The following EFCAB5 variants were observed in gnomAD, a reference collection of about 807,000 sequenced individuals.
The protein encoded by EFCAB5 is EF-hand calcium-binding domain-containing protein 5.
In EFCAB5, 131 loss-of-function variants were observed where a neutral mutation model predicts 167.9. The observed-to-expected ratio is 0.78, with a 90% confidence interval of 0.68 to 0.90. The LOEUF (loss-of-function observed/expected upper bound fraction) is 0.90. Ranked by LOEUF, EFCAB5 falls within the 40% of genes least tolerant of loss-of-function variation. EFCAB5 has a pLI of 0.00. For missense variants in EFCAB5, 1,663 were observed against 1,745.2 expected (o/e 0.95, Z 0.84); for synonymous variants, 574 against 602.8 (o/e 0.95, Z 0.70).
intron 14 of EFCAB5, among the ~76,000 whole-genome samples, chr17:30,062,181 G>A (rs1246786185): frequency 6.6e-6 from 1 of 152,022 alleles, no homozygotes; most frequent in Non-Finnish European, 1.5e-5. Context: ...AAGCTCTTAG[G>A]GCCTGTTTCC....
intron 12 of EFCAB5, among the ~76,000 whole-genome samples, chr17:30,057,227 T>G (rs557600473): frequency 3.0e-4 from 45 of 152,248 alleles, no homozygotes; most frequent in African/African-American, 1.1e-3. Flanking sequence ...CTAAGCCCTG[T>G]TTTTCTGTGT....
chr17:29,968,630 T>C (rs1415411050), intron 3 of EFCAB5, among the ~76,000 whole-genome samples, 161 bp from the exon 4 acceptor site: 1 of 152,258 alleles, frequency 6.6e-6, no homozygotes, highest in Non-Finnish European at 1.5e-5. Flanking sequence ...AATGTCTTTA[T>C]GGTTAAAGTC....
At chr17:30,049,095 T>C (rs1325211533) in intron 8 of EFCAB5, among the ~76,000 whole-genome samples, 2 of 152,086 alleles carry the variant, frequency 1.3e-5, no homozygotes, top group South Asian at 2.1e-4. Flanking sequence ...ATCATGATGA[T>C]TGGACTTGAT....
At position 30,095,265 on chromosome 17, in the gene EFCAB5, A is replaced by G. The variant is rs1415775460; in HGVS notation, c.4321+2329A>G. ...CCTAAATCCAAGTGTTTACAAGTCC[A>G]CAGACATTGGTCTTGGCAGGAGTGC... is the stretch of plus-strand genomic sequence containing the variant. On this transcript the variant is annotated intron_variant, in intron 22 of 22. Coordinates refer to ENST00000394835, the MANE Select transcript of EFCAB5 (RefSeq NM_198529.4). 2.0e-5 allele frequency among the ~76,000 whole-genome samples: 3 copies of G among 152,158 alleles called. No homozygotes were observed. In the East Asian group the frequency reaches 5.8e-4, roughly 29 times the overall value.
At chr17:30,030,125 A>G (rs2151729706) in intron 7 of EFCAB5, among the ~76,000 whole-genome samples, 1 of 152,342 alleles carries the variant, frequency 6.6e-6, no homozygotes, top group South Asian at 2.1e-4. Context: ...CTGTTTTTAC[A>G]AGAGACATTG....
chr17:29,948,001 T>G (rs1238363645), intron 3 of EFCAB5, among the ~76,000 whole-genome samples: 1 of 152,082 alleles, frequency 6.6e-6, no homozygotes, highest in Non-Finnish European at 1.5e-5. Flanking sequence ...AATTTTTGTA[T>G]TTTTAGTAGA....
chr17:30,102,252 C>G (rs1433234970), intron 22 of EFCAB5, among the ~76,000 whole-genome samples: 1 of 152,076 alleles, frequency 6.6e-6, no homozygotes, highest in African/African-American at 2.4e-5. Flanking sequence ...GAGTCATCAG[C>G]CAGAGTGAAG....
At chr17:29,995,417 C>T (rs1037856333) in intron 5 of EFCAB5, among the ~76,000 whole-genome samples, 3 of 152,196 alleles carry the variant, frequency 2.0e-5, no homozygotes, top group Non-Finnish European at 2.9e-5. Context: ...TTTGCTTTGA[C>T]AGGACCAATT....
At chr17:30,075,533 C>T (rs948310193) in intron 14 of EFCAB5, among the ~76,000 whole-genome samples, 6 of 152,164 alleles carry the variant, frequency 3.9e-5, no homozygotes, top group African/African-American at 1.4e-4. Flanking sequence ...CCAGGCCAGG[C>T]CATCCCTCGA....
At chr17:29,999,300 G>A (rs1033321056) in intron 6 of EFCAB5, among the ~76,000 whole-genome samples, 1 of 151,546 alleles carries the variant, frequency 6.6e-6, no homozygotes, top group African/African-American at 2.4e-5. Flanking sequence ...TAGAAAAAAG[G>A]TACATGTGTA....
chr17:30,014,938 G>A (rs887774065), intron 7 of EFCAB5, among the ~76,000 whole-genome samples: 4 of 152,110 alleles, frequency 2.6e-5, no homozygotes, highest in African/African-American at 7.2e-5. Flanking sequence ...GGCTGGTACT[G>A]GTTGTTCCTT....
rs766986543 is a variant in EFCAB5, at chr17:30,091,992, T to C, written c.4059T>C (p.Tyr1353=). The change falls in exon 21 of 23, where the codon TAT becomes TAC. Residue 1353 remains tyrosine, a synonymous_variant. Transcript: ENST00000394835. ...NSMEFVSLLL[Y]DHTLVTEPNS... is the part of the protein sequence containing the mutation. The stretch of plus-strand genomic sequence containing the variant: ...TGGAATTTGTGTCACTGTTGCTCTA[T>C]GACCATACTCTTGTAACAGAGCCAA... 3.1e-6 allele frequency: 5 copies of C among 1,613,892 alleles called. 1 individual carries two copies. Among genetic ancestry groups the C allele is most frequent in the African/African-American group, 1.3e-5 (1 of 74,936 alleles).
chr17:30,045,057 G>A (rs751124167), intron 8 of EFCAB5, among the ~76,000 whole-genome samples: 11 of 152,088 alleles, frequency 7.2e-5, no homozygotes, highest in Non-Finnish European at 1.6e-4. Context: ...CAAAGGATGC[G>A]CCATTATTTT....
At chr17:30,084,695 C>CA (rs1350444660) in intron 18 of EFCAB5, among the ~76,000 whole-genome samples, 5 of 152,096 alleles carry the variant, frequency 3.3e-5, no homozygotes, top group African/African-American at 4.8e-5. Flanking sequence ...GCAGCCCCTC[C>CA]AGATTCACAT....
At chr17:29,968,501 A>G in intron 3 of EFCAB5, 2 of 359,472 alleles carry the variant, frequency 5.6e-6, no homozygotes, top group Non-Finnish European at 1.0e-5. Context: ...CTGGAGCTCT[A>G]ATAGTCGTCA....
intron 7 of EFCAB5, among the ~76,000 whole-genome samples, chr17:30,024,515 T>C (rs1439805341): frequency 6.6e-6 from 1 of 152,134 alleles, no homozygotes; most frequent in East Asian, 1.9e-4. Flanking sequence ...TACAAACCAC[T>C]GCTCAATGAA....
At position 30,015,840 on chromosome 17, in the gene EFCAB5, C is replaced by T. The variant is rs1196806817; in HGVS notation, c.1044+15864C>T. On this transcript the variant is annotated intron_variant, in intron 7 of 22. Transcript: ENST00000394835. The stretch of plus-strand genomic sequence containing the variant: ...GTGCAATGGTGCAACTGGCTCACTG[C>T]AACCTCTGCCTCACTGCAACCTCTG... 8.0e-5 allele frequency among the ~76,000 whole-genome samples: 12 copies of T among 150,496 alleles called. No individual in the cohort carries two copies. In the Admixed American group the frequency reaches 8.0e-4, roughly 10 times the overall value.
At chr17:30,053,126 T>C in intron 9 of EFCAB5, 129 bp from the exon 10 acceptor site, 2 of 1,055,048 alleles carry the variant, frequency 1.9e-6, no homozygotes, top group Non-Finnish European at 2.7e-6. Flanking sequence ...AGATAACTGA[T>C]ATTTATTTAG....
At chr17:30,068,009 A>G (rs1409102822) in intron 14 of EFCAB5, among the ~76,000 whole-genome samples, 1 of 152,242 alleles carries the variant, frequency 6.6e-6, no homozygotes, top group African/African-American at 2.4e-5. Context: ...CAAAATCAAC[A>G]TATAAAAATC....
Sources: allele counts gnomAD v4.1 joint callset (sites outside exome capture counted in the v4.1 genomes callset), GRCh38; gene constraint gnomAD v4.1.1; transcripts MANE v1.5; gene names NCBI Gene and HGNC (gene_info 2026-07-23, HGNC 2026-07-21).